LRRTM4: variants seen among roughly 807,000 people sequenced by gnomAD.
LRRTM4 encodes leucine-rich repeat transmembrane neuronal protein 4.
LRRTM4 carries 25 observed loss-of-function variants against 47.6 expected under a neutral mutation model. The observed-to-expected ratio is 0.53, with a 90% confidence interval of 0.38 to 0.73. LRRTM4 has a LOEUF of 0.73. LRRTM4 is among the 30% of genes least tolerant of loss of function. LRRTM4 has a pLI of 0.00. For synonymous variants in LRRTM4, 311 were observed against 269.5 expected (o/e 1.15, Z -1.51); for missense variants, 638 against 713.4 (o/e 0.89, Z 1.20).
chr2:77,038,924 T>C (rs1185753213), intron 3 of LRRTM4, among the ~76,000 whole-genome samples: 1 of 151,332 alleles, frequency 6.6e-6, no homozygotes, highest in African/African-American at 2.4e-5. Context: ...ATTGCTCTTA[T>C]TATATAGTGG....
At chr2:76,899,550 C>T (rs1410897667) in intron 3 of LRRTM4, among the ~76,000 whole-genome samples, 2 of 151,824 alleles carry the variant, frequency 1.3e-5, no homozygotes, top group African/African-American at 2.4e-5. Flanking sequence ...TACATGAAGG[C>T]AATAGCTAAT....
intron 3 of LRRTM4, among the ~76,000 whole-genome samples, chr2:77,487,094 A>T (rs1327314288): frequency 1.3e-5 from 2 of 152,202 alleles, no homozygotes; most frequent in Non-Finnish European, 1.5e-5. Flanking sequence ...CAGCTGCTGC[A>T]AAGACACCGG....
intron 3 of LRRTM4, among the ~76,000 whole-genome samples, chr2:77,136,035 G>A (rs1412908910): frequency 6.6e-6 from 1 of 152,110 alleles, no homozygotes; most frequent in African/African-American, 2.4e-5. Flanking sequence ...TTCCAAGATG[G>A]CCGAATAGGA....
chr2:77,521,959 G>A, intron 1 of LRRTM4, 141 bp from the exon 2 acceptor site: 1 of 610,560 alleles, frequency 1.6e-6, no homozygotes, highest in Non-Finnish European at 3.0e-6. Context: ...TAGGGATGGG[G>A]GAGGGCCTCT....
intron 3 of LRRTM4, among the ~76,000 whole-genome samples, chr2:77,310,652 A>G (rs1375656988): frequency 6.6e-6 from 1 of 152,148 alleles, no homozygotes; most frequent in Non-Finnish European, 1.5e-5. Flanking sequence ...TCGAACATGA[A>G]ACATCTGTCA....
At chr2:77,070,610 A>C (rs1347406666) in intron 3 of LRRTM4, among the ~76,000 whole-genome samples, 1 of 151,862 alleles carries the variant, frequency 6.6e-6, no homozygotes, top group Non-Finnish European at 1.5e-5. Flanking sequence ...TTAGGTTATA[A>C]AGTTGATTTT....
chr2:76,982,631 G>T (rs761873854), intron 3 of LRRTM4, among the ~76,000 whole-genome samples: 9 of 151,960 alleles, frequency 5.9e-5, no homozygotes, highest in Non-Finnish European at 1.2e-4. Flanking sequence ...AGTGTGTGAG[G>T]AACCAAGAGT....
chr2:77,420,482 A>G (rs1455200721), intron 3 of LRRTM4, among the ~76,000 whole-genome samples: 2 of 152,102 alleles, frequency 1.3e-5, no homozygotes, highest in African/African-American at 4.8e-5. Context: ...CAAGTATAAA[A>G]CAAATGAGTG....
At position 76,985,303 on chromosome 2, in the gene LRRTM4, GATA is replaced by G. The variant is rs534615853; in HGVS notation, c.1552-236390_1552-236388del. ...CCCACCTGTGAATTAAATGGTGGGG[GATA>G]ATGTTTCCTTAAAAGTAAATTGAGA... On this transcript the variant is annotated intron_variant, in intron 3 of 3. Transcript: ENST00000409884. Among the ~76,000 whole-genome samples the G allele has an allele frequency of 1.0e-3, 159 of 152,134 alleles. 1 individual carries two copies. Among genetic ancestry groups the G allele is most frequent in the African/African-American group, 3.7e-3 (154 of 41,550 alleles).
intron 3 of LRRTM4, among the ~76,000 whole-genome samples, chr2:77,475,003 A>G (rs1489743194): frequency 1.3e-5 from 2 of 152,130 alleles, no homozygotes; most frequent in African/African-American, 4.8e-5. Flanking sequence ...AAGCAAGTTT[A>G]AAGTGGGAGA....
At chr2:77,242,204 C>T (rs1262063699) in intron 3 of LRRTM4, among the ~76,000 whole-genome samples, 1 of 152,076 alleles carries the variant, frequency 6.6e-6, no homozygotes, top group East Asian at 1.9e-4. Flanking sequence ...ATAAGAATTG[C>T]ATTGCATATG....
At chr2:77,051,498 G>GA (rs1291282819) in intron 3 of LRRTM4, among the ~76,000 whole-genome samples, 1 of 152,050 alleles carries the variant, frequency 6.6e-6, no homozygotes, top group African/African-American at 2.4e-5. Flanking sequence ...TTAGAATCAA[G>GA]AAAAAATCCA....
chr2:77,480,772 T>C (rs1035019364), intron 3 of LRRTM4, among the ~76,000 whole-genome samples: 2 of 112,032 alleles, frequency 1.8e-5, no homozygotes, highest in East Asian at 2.5e-4. Flanking sequence ...TTGCTATGTG[T>C]GGCTGTTTTA....
At chr2:77,391,731 C>A (rs955610865) in intron 3 of LRRTM4, among the ~76,000 whole-genome samples, 1 of 151,930 alleles carries the variant, frequency 6.6e-6, no homozygotes, top group African/African-American at 2.4e-5. Context: ...GGGGACCCAA[C>A]TAAACCCAAA....
rs73940295 is a variant in LRRTM4, at chr2:77,085,977, A to G, written c.1552-337061T>C. Among the ~76,000 whole-genome samples, 1,146 of 152,290 alleles carry G rather than the reference A, an allele frequency of 7.5e-3. 13 individuals carry two copies. The highest frequency in any genetic ancestry group is 0.026 in the African/African-American group (1,095 of 41,548). The stretch of plus-strand genomic sequence containing the variant: ...TATTGTCACTCCACAATGGACTGAA[A>G]CGCAGTATCAGTCCATTTTTTGAGA... On this transcript the variant is annotated intron_variant, in intron 3 of 3. Transcript: ENST00000409884.
intron 3 of LRRTM4, among the ~76,000 whole-genome samples, chr2:76,990,824 A>G (rs879699268): frequency 1.3e-5 from 2 of 151,686 alleles, no homozygotes; most frequent in Non-Finnish European, 3.0e-5. Context: ...AGACTATTGC[A>G]CCCATCAATC....
At chr2:77,112,779 C>T (rs1671284686) in intron 3 of LRRTM4, among the ~76,000 whole-genome samples, 1 of 152,092 alleles carries the variant, frequency 6.6e-6, no homozygotes, top group South Asian at 2.1e-4. Flanking sequence ...GGCCCATGCC[C>T]ACAGAACGGC....
At chr2:76,800,152 C>G (rs578040221) in intron 3 of LRRTM4, among the ~76,000 whole-genome samples, 1 of 148,220 alleles carries the variant, frequency 6.7e-6, no homozygotes, top group Admixed American at 6.7e-5. Flanking sequence ...CAAGTCAATC[C>G]TAAGCCAAAA....
intron 3 of LRRTM4, among the ~76,000 whole-genome samples, chr2:77,049,654 T>C (rs971501513): frequency 9.9e-5 from 15 of 151,576 alleles, no homozygotes; most frequent in African/African-American, 3.4e-4. Context: ...TTTTTGTTGT[T>C]GACTTGCTTG....
Sources: allele counts gnomAD v4.1 joint callset (sites outside exome capture counted in the v4.1 genomes callset), GRCh38; gene constraint gnomAD v4.1.1; transcripts MANE v1.5; gene names NCBI Gene and HGNC (gene_info 2026-07-23, HGNC 2026-07-21).